SRGAP3: variants seen among roughly 807,000 people sequenced by gnomAD.
The protein encoded by SRGAP3 is SLIT-ROBO Rho GTPase activating protein 3, also known as SLIT-ROBO Rho GTPase-activating protein 3.
SRGAP3 carries 39 observed loss-of-function variants against 121.1 expected under a neutral mutation model. That is an observed-to-expected ratio of 0.32 (90% CI 0.25 to 0.42). The LOEUF is 0.42. SRGAP3 is among the 10% of genes least tolerant of loss of function. The pLI is 1.00. For missense variants in SRGAP3, 1,213 were observed against 1,470.6 expected (o/e 0.82, Z 2.86); for synonymous variants, 601 against 570.0 (o/e 1.05, Z -0.77).
intron 1 of SRGAP3, among the ~76,000 whole-genome samples, chr3:9,149,744 GC>G (rs1950150427): frequency 6.6e-6 from 1 of 152,238 alleles, no homozygotes; most frequent in Admixed American, 6.5e-5. Flanking sequence ...CAACAGAACT[GC>G]CTAGCTGACC....
intron 1 of SRGAP3, among the ~76,000 whole-genome samples, chr3:9,187,265 C>T (rs974058815): frequency 6.6e-6 from 1 of 152,044 alleles, no homozygotes; most frequent in African/African-American, 2.4e-5. Context: ...GTTTTAATGG[C>T]GATCTTTCTA....
intron 10 of SRGAP3, among the ~76,000 whole-genome samples, chr3:9,042,415 A>G (rs2125124160): frequency 6.7e-6 from 1 of 150,086 alleles, no homozygotes; most frequent in African/African-American, 2.5e-5. Flanking sequence ...TTTTAGAAGA[A>G]AGAATCGAGC....
At chr3:9,333,452 T>C (rs1407704617) in intron 1 of SRGAP3, among the ~76,000 whole-genome samples, 1 of 152,210 alleles carries the variant, frequency 6.6e-6, no homozygotes, top group African/African-American at 2.4e-5. Flanking sequence ...GTTCCCTTTG[T>C]TGATTTCAAT....
chr3:9,028,259 G>C, intron 12 of SRGAP3: 1 of 1,282,860 alleles, frequency 7.8e-7, no homozygotes, highest in Non-Finnish European at 1.1e-6. Context: ...GCCAGCCAAG[G>C]TCCTGGGGAG....
intron 12 of SRGAP3, among the ~76,000 whole-genome samples, chr3:9,027,715 C>A (rs2125075865): frequency 6.6e-6 from 1 of 152,310 alleles, no homozygotes; most frequent in South Asian, 2.1e-4. Context: ...TGGTCTACAG[C>A]CACAAATGAT....
chr3:9,152,497 C>T (rs1950245975), intron 1 of SRGAP3, among the ~76,000 whole-genome samples: 2 of 152,246 alleles, frequency 1.3e-5, no homozygotes, highest in South Asian at 4.1e-4. Context: ...GCAGGCCCAG[C>T]TGACGGCCAC....
intron 1 of SRGAP3, among the ~76,000 whole-genome samples, chr3:9,173,772 A>T (rs1398669786): frequency 6.7e-6 from 1 of 150,262 alleles, no homozygotes; most frequent in Non-Finnish European, 1.5e-5. Flanking sequence ...CACCCCTGCC[A>T]TAATTCTCTC....
chr3:9,023,697 C>T (rs1418262695), intron 14 of SRGAP3, among the ~76,000 whole-genome samples: 2 of 152,176 alleles, frequency 1.3e-5, no homozygotes, highest in African/African-American at 4.8e-5. Context: ...TGTCCATTAC[C>T]TTGTATGGTA....
chr3:9,209,011 A>G (rs1235532208), intron 1 of SRGAP3, among the ~76,000 whole-genome samples: 1 of 152,236 alleles, frequency 6.6e-6, no homozygotes, highest in Non-Finnish European at 1.5e-5. Context: ...GACTGGGCTT[A>G]TAGGACACAA....
intron 2 of SRGAP3, among the ~76,000 whole-genome samples, chr3:9,121,423 A>G (rs1434039565): frequency 1.5e-4 from 23 of 152,220 alleles, no homozygotes; most frequent in Admixed American, 1.5e-3. Context: ...AGGCAGCCCG[A>G]GGCCAGTCAG....
chr3:9,000,562 A>C (rs1324558663), intron 18 of SRGAP3, among the ~76,000 whole-genome samples: 1 of 152,218 alleles, frequency 6.6e-6, no homozygotes, highest in Non-Finnish European at 1.5e-5. Flanking sequence ...GTTCAAGTCG[A>C]AGGGGACTCT....
chr3:9,297,218 G>A (rs1954967288), intron 3 of SRGAP3, among the ~76,000 whole-genome samples: 1 of 152,154 alleles, frequency 6.6e-6, no homozygotes, highest in African/African-American at 2.4e-5. Flanking sequence ...TCCAAGCCCT[G>A]TTCCTCAGGT....
rs1456597010 is a variant in SRGAP3, at chr3:9,145,432, GT to G, written c.68-20516del. Among the ~76,000 whole-genome samples, 15 of 152,246 alleles carry G rather than the reference GT, an allele frequency of 9.9e-5. No homozygotes were observed. In the East Asian group the frequency reaches 2.9e-3, roughly 29 times the overall value. ...TTTCCTTTCTCTCTGTTTTATGTAA[GT>G]TTTTAATATAAGTTTTTATGTTTGA... On this transcript the variant is annotated intron_variant, in intron 1 of 21. Coordinates refer to ENST00000383836, the MANE Select transcript of SRGAP3 (RefSeq NM_014850.4).
At chr3:9,074,530 G>T (rs1946867784) in intron 4 of SRGAP3, among the ~76,000 whole-genome samples, 1 of 152,174 alleles carries the variant, frequency 6.6e-6, no homozygotes, top group African/African-American at 2.4e-5. Flanking sequence ...TCAACTTAAA[G>T]AAAAATATTC....
chr3:9,105,907 A>T (rs143985506), intron 2 of SRGAP3, among the ~76,000 whole-genome samples: 8 of 152,356 alleles, frequency 5.3e-5, no homozygotes, highest in African/African-American at 1.9e-4. Context: ...CTCAGAACAC[A>T]TTAGCCTACG....
intron 7 of SRGAP3, 142 bp downstream of exon 7, chr3:9,058,109 G>T: frequency 1.2e-6 from 1 of 868,780 alleles, no homozygotes; most frequent in Non-Finnish European, 1.9e-6. Context: ...AAACTCCTCA[G>T]CTGGGGAAGC....
rs77797288 is a variant in SRGAP3 at position 9,128,822 on chromosome 3, A to G, written c.68-3905T>C. Among the ~76,000 whole-genome samples the G allele has an allele frequency of 7.2e-3, 1,099 of 152,366 alleles. 5 individuals are homozygous for G. Among genetic ancestry groups the G allele is most frequent in the Middle Eastern group, 0.017 (5 of 294 alleles). Reference sequence around the variant, plus strand: ...TTTGAAATCCACAGATCTTGTGTTTATTGAAAGAAGCCAGAACGAATGAGG... The same window carrying G: ...TTTGAAATCCACAGATCTTGTGTTTGTTGAAAGAAGCCAGAACGAATGAGG... On this transcript the variant is annotated intron_variant, in intron 1 of 21. Transcript: ENST00000383836.
intron 4 of SRGAP3, among the ~76,000 whole-genome samples, chr3:9,075,189 T>C (rs1431219857): frequency 1.3e-5 from 2 of 152,234 alleles, no homozygotes; most frequent in Non-Finnish European, 2.9e-5. Flanking sequence ...CTGCCCTTTT[T>C]TTCTCCCAGG....
chr3:9,026,837 G>C, intron 13 of SRGAP3, 98 bp downstream of exon 13: 2 of 1,352,736 alleles, frequency 1.5e-6, no homozygotes, highest in South Asian at 2.3e-5. Context: ...GCTGTGACGG[G>C]AAGTCTTCCA....
Sources: gnomAD v4.1 joint callset for allele counts (sites outside exome capture counted in the v4.1 genomes callset) on GRCh38, gnomAD v4.1.1 for gene constraint, MANE v1.5 for transcripts, NCBI Gene and HGNC (gene_info 2026-07-23, HGNC 2026-07-21) for gene names.